Variants in ESR2 observed in about 807,000 individuals in gnomAD.
The protein encoded by ESR2 is estrogen receptor 2.
A neutral mutation model predicts 49.6 loss-of-function variants in ESR2; 36 were observed. That is an observed-to-expected ratio of 0.73 (90% CI 0.56 to 0.96). The LOEUF is 0.96. Among genes scored for constraint, ESR2 ranks in the 40% least tolerant of loss-of-function variants. The probability of loss-of-function intolerance (pLI) is 0.00; values close to 1 mark genes in which losing one functional copy is unlikely to be tolerated. For missense variants in ESR2, 714 were observed against 693.0 expected, an observed-to-expected ratio of 1.03 and a Z score of -0.34; for synonymous variants, 320 against 266.1, an observed-to-expected ratio of 1.20 and a Z score of -1.97.
rs1435651378 is a variant in ESR2, at chr14:64,230,523, G to A, written c.*2614C>T. ...AGACTCGCACTGTACAGCTCCTGCC[G>A]ATTTTGCACTATTTTTAATGCAGTT... is the stretch of plus-strand genomic sequence containing the variant. On this transcript the variant is annotated 3_prime_UTR_variant, in exon 9 of 9. Transcript: ENST00000341099. 2.0e-5 allele frequency among the ~76,000 whole-genome samples: 3 copies of A among 152,086 alleles called. No individual in the cohort carries two copies. The highest frequency in any genetic ancestry group is 1.9e-4 in the East Asian group (1 of 5,202).
intron 3 of ESR2, among the ~76,000 whole-genome samples, chr14:64,273,940 CTTT>C (rs58123995): frequency 1.4e-3 from 195 of 134,638 alleles, no homozygotes; most frequent in Middle Eastern, 3.8e-3. Context: ...TGCTGAGAGA[CTTT>C]TTTTTTTTTT....
intron 1 of ESR2, among the ~76,000 whole-genome samples, chr14:64,321,918 G>A (rs945328256): frequency 6.6e-6 from 1 of 152,158 alleles, no homozygotes; most frequent in African/African-American, 2.4e-5. Context: ...AGACATGGGA[G>A]AGAGGGGACA....
intron 1 of ESR2, among the ~76,000 whole-genome samples, chr14:64,289,783 G>A (rs1181368413): frequency 4.6e-5 from 7 of 152,156 alleles, no homozygotes; most frequent in Non-Finnish European, 1.0e-4. Context: ...TGTGTGTGTG[G>A]ACAAAATGCC....
chr14:64,233,643 T>A, intron 8 of ESR2: 1 of 287,200 alleles, frequency 3.5e-6, no homozygotes, highest in East Asian at 6.4e-5. Context: ...ATAGGGGAAA[T>A]ACAGGGTTAG....
At chr14:64,238,847 C>T (rs966594863) in intron 7 of ESR2, among the ~76,000 whole-genome samples, 5 of 152,144 alleles carry the variant, frequency 3.3e-5, no homozygotes, top group African/African-American at 9.7e-5. Context: ...AATCTTCTCT[C>T]CCCTTTATCA....
intron 7 of ESR2, among the ~76,000 whole-genome samples, chr14:64,247,842 A>G (rs2075896578): frequency 1.3e-5 from 2 of 152,226 alleles, no homozygotes; most frequent in Admixed American, 1.3e-4. Context: ...TAATGGTTAA[A>G]AAGGAAGAGG....
At chr14:64,311,813 A>C (rs948144237) in intron 1 of ESR2, among the ~76,000 whole-genome samples, 1 of 151,798 alleles carries the variant, frequency 6.6e-6, no homozygotes, top group Non-Finnish European at 1.5e-5. Context: ...CCCATCTCTA[A>C]AAAAAAACAA....
chr14:64,240,884 C>T (rs1008240531), intron 7 of ESR2, among the ~76,000 whole-genome samples: 3 of 152,014 alleles, frequency 2.0e-5, no homozygotes, highest in Non-Finnish European at 4.4e-5. Flanking sequence ...GTGGCTCACG[C>T]TTGTAATCCC....
intron 3 of ESR2, among the ~76,000 whole-genome samples, chr14:64,275,354 G>C (rs2076537009): frequency 6.6e-6 from 1 of 151,954 alleles, no homozygotes. Flanking sequence ...TCTTTTTATA[G>C]TTTTTGTCTT....
intron 1 of ESR2, among the ~76,000 whole-genome samples, chr14:64,293,168 C>T (rs543351274): frequency 4.1e-4 from 63 of 152,112 alleles, no homozygotes; most frequent in Non-Finnish European, 6.8e-4. Context: ...TTCATAGTCA[C>T]GTTACATTTG....
downstream of ESR2, chr14:64,227,400 C>T (rs2098722403): frequency 7.8e-6 from 8 of 1,022,798 alleles, no homozygotes; most frequent in South Asian, 4.9e-5. Context: ...TTTTTAACCA[C>T]ATAACTAACT....
At chr14:64,323,272 A>C (rs1446849497) in intron 1 of ESR2, among the ~76,000 whole-genome samples, 2 of 152,058 alleles carry the variant, frequency 1.3e-5, no homozygotes, top group Non-Finnish European at 2.9e-5. Context: ...CAGTGGTGCA[A>C]TCTTGGCTCA....
At chr14:64,294,720 C>T (rs1052030700), upstream of ESR2, among the ~76,000 whole-genome samples, 5 of 152,228 alleles carry the variant, frequency 3.3e-5, no homozygotes, top group Non-Finnish European at 5.9e-5. Flanking sequence ...ACATAAGTGT[C>T]ATTCAGAACA....
intron 1 of ESR2, among the ~76,000 whole-genome samples, chr14:64,334,898 T>C (rs1032541511): frequency 6.6e-6 from 1 of 152,226 alleles, no homozygotes; most frequent in Admixed American, 6.5e-5. Flanking sequence ...TCCGCCTGCC[T>C]CGGCCACCCA....
chr14:64,318,127 G>C (rs2077279968), intron 1 of ESR2, among the ~76,000 whole-genome samples: 1 of 152,056 alleles, frequency 6.6e-6, no homozygotes, highest in Non-Finnish European at 1.5e-5. Context: ...AAAATTTCTG[G>C]AACTAATAAA....
intron 7 of ESR2, among the ~76,000 whole-genome samples, chr14:64,246,219 T>C (rs1045229933): frequency 6.6e-6 from 1 of 152,168 alleles, no homozygotes; most frequent in Non-Finnish European, 1.5e-5. Context: ...TCATCTTGAA[T>C]TGTAATCTCC....
At chr14:64,266,142 G>T (rs2076323515) in intron 4 of ESR2, among the ~76,000 whole-genome samples, 2 of 152,196 alleles carry the variant, frequency 1.3e-5, no homozygotes, top group Non-Finnish European at 2.9e-5. Flanking sequence ...TTCTATGAAA[G>T]CTTCTTTAAC....
Position 64,230,196 on chromosome 14 carries a change from T to TC in ESR2, c.*2940dup, listed in dbSNP as rs1254619803. Among the ~76,000 whole-genome samples, 2 of 88,966 alleles carry TC rather than the reference T, an allele frequency of 2.2e-5. No homozygotes were observed. Among genetic ancestry groups the TC allele is most frequent in the African/African-American group, 1.0e-4 (2 of 20,010 alleles). The allele number at this position is 88,966 out of a possible 152,430, so 58.4% of individuals were successfully genotyped here. A position where few individuals can be genotyped will look rare whatever the true frequency, so the allele number is the denominator to read the frequency against. ...TGAGCAACAGGAGTCAGACCCTGTCTCAAAAAAAAAAAAAAAAAGGTGTCA... is the reference window on the plus strand; with the variant it reads ...TGAGCAACAGGAGTCAGACCCTGTCTCCAAAAAAAAAAAAAAAAAGGTGTCA... On this transcript the variant is annotated 3_prime_UTR_variant, in exon 9 of 9. Transcript: ENST00000341099.
At chr14:64,251,342 C>A (rs906013829) in intron 6 of ESR2, among the ~76,000 whole-genome samples, 6 of 151,542 alleles carry the variant, frequency 4.0e-5, no homozygotes, top group African/African-American at 1.5e-4. Flanking sequence ...CCACCAACTC[C>A]TGCATTGATA....
Sources: gnomAD v4.1 joint callset for allele counts (sites outside exome capture counted in the v4.1 genomes callset) on GRCh38, gnomAD v4.1.1 for gene constraint, MANE v1.5 for transcripts, NCBI Gene and HGNC (gene_info 2026-07-23, HGNC 2026-07-21) for gene names.